The following NELL1 variants were observed in gnomAD, a reference collection of about 807,000 sequenced individuals.
NELL1 encodes protein kinase C-binding protein NELL1.
A neutral mutation model predicts 107.4 loss-of-function variants in NELL1; 76 were observed. The observed-to-expected ratio is 0.71, with a 90% CI of 0.59 to 0.86. The LOEUF (loss-of-function observed/expected upper bound fraction) is 0.86. Ranked by LOEUF, NELL1 falls within the 40% of genes least tolerant of loss-of-function variation. The probability of loss-of-function intolerance (pLI) is 0.00; values close to 1 mark genes in which losing one functional copy is unlikely to be tolerated. For missense variants in NELL1, 1,024 were observed against 1,005.5 expected, an observed-to-expected ratio of 1.02 and a Z score of -0.25; for synonymous variants, 353 against 341.2, an observed-to-expected ratio of 1.03 and a Z score of -0.38.
chr11:21,116,944 C>T (rs972034334), intron 13 of NELL1, among the ~76,000 whole-genome samples: 1 of 151,860 alleles, frequency 6.6e-6, no homozygotes, highest in East Asian at 1.9e-4. Flanking sequence ...AAATCAAATC[C>T]CTGTTTCTTA....
At chr11:20,694,304 G>A (rs1262140326) in intron 2 of NELL1, among the ~76,000 whole-genome samples, 1 of 151,960 alleles carries the variant, frequency 6.6e-6, no homozygotes, top group Admixed American at 6.6e-5. Context: ...TTTTTCTTGT[G>A]ATTGCTTTTG....
rs149569403 is a variant in NELL1 at position 20,700,308 on chromosome 11, G to A, written c.184+22248G>A. On this transcript the variant is annotated intron_variant, in intron 2 of 19. Transcript: ENST00000357134. ...AGCCTGGCCAATATAGTGAAACCCC[G>A]TCTCTACTAAAAATACAAAAATTAG... 8.6e-3 allele frequency among the ~76,000 whole-genome samples: 1,309 copies of A among 151,888 alleles called. 17 individuals carry two copies. The highest frequency in any genetic ancestry group is 0.03 in the African/African-American group (1,243 of 41,428).
intron 14 of NELL1, among the ~76,000 whole-genome samples, chr11:21,236,983 C>A (rs1858224160): frequency 6.6e-6 from 1 of 152,170 alleles, no homozygotes; most frequent in South Asian, 2.1e-4. Context: ...TCACATCCTT[C>A]AAATCTGTAA....
intron 2 of NELL1, among the ~76,000 whole-genome samples, chr11:20,768,925 C>T (rs1313274837): frequency 2.0e-5 from 3 of 152,064 alleles, no homozygotes; most frequent in African/African-American, 7.2e-5. Flanking sequence ...TCTAGGGTTG[C>T]AGTAATTTGT....
intron 7 of NELL1, among the ~76,000 whole-genome samples, chr11:20,920,593 T>C (rs1385360793): frequency 3.3e-5 from 5 of 152,236 alleles, no homozygotes; most frequent in South Asian, 2.1e-4. Flanking sequence ...GAGGCTTTTA[T>C]TTCATATTGT....
intron 15 of NELL1, among the ~76,000 whole-genome samples, chr11:21,499,599 G>A (rs1159068722): frequency 1.3e-5 from 2 of 152,088 alleles, no homozygotes; most frequent in African/African-American, 4.8e-5. Flanking sequence ...GATACTATGA[G>A]TTGTGGCAAG....
intron 3 of NELL1, among the ~76,000 whole-genome samples, chr11:20,798,879 T>TG (rs1432537704): frequency 1.3e-5 from 2 of 152,344 alleles, no homozygotes; most frequent in Non-Finnish European, 2.9e-5. Context: ...CACTTATCTG[T>TG]GGGCTAGGAA....
chr11:21,025,112 T>G (rs982925091), intron 12 of NELL1, among the ~76,000 whole-genome samples: 6 of 152,128 alleles, frequency 3.9e-5, no homozygotes, highest in African/African-American at 1.4e-4. Context: ...TATCTTTTAT[T>G]GTTGGTTAGG....
intron 3 of NELL1, among the ~76,000 whole-genome samples, chr11:20,799,397 A>G: frequency 6.6e-6 from 1 of 152,238 alleles, no homozygotes. Flanking sequence ...TACTAAGTGC[A>G]GGCTATGTGC....
intron 12 of NELL1, among the ~76,000 whole-genome samples, chr11:21,072,642 G>T (rs1389125980): frequency 6.6e-6 from 1 of 152,116 alleles, no homozygotes; most frequent in Admixed American, 6.6e-5. Flanking sequence ...AGCATATAAA[G>T]CTTGGCAAAG....
chr11:21,568,920 A>AAGAT lies in NELL1; in HGVS notation c.1981-1841_1981-1838dup, dbSNP rs568442184. ...ATACATTCTAAAATAATGATTAAAA[A>AAGAT]AGATAGTATACTAAATACATAAACC... On this transcript the variant is annotated intron_variant, in intron 17 of 19. Coordinates refer to ENST00000357134, the MANE Select transcript of NELL1 (RefSeq NM_006157.5). Among the ~76,000 whole-genome samples, 130 of 151,862 alleles carry AAGAT rather than the reference A, an allele frequency of 8.6e-4. 1 individual carries two copies. The highest frequency in any genetic ancestry group is 2.9e-3 in the African/African-American group (120 of 41,486).
At chr11:20,982,886 G>A (rs1001107661) in intron 12 of NELL1, among the ~76,000 whole-genome samples, 7 of 152,142 alleles carry the variant, frequency 4.6e-5, no homozygotes, top group African/African-American at 1.7e-4. Flanking sequence ...TTAATGATTT[G>A]GGATCTTTGT....
rs796166572 is a variant in NELL1 at position 20,755,895 on chromosome 11, T to G, written c.185-27785T>G. On this transcript the variant is annotated intron_variant, in intron 2 of 19. Transcript: ENST00000357134. Reference sequence around the variant, plus strand: ...TTTTTTTTTTTTTTTTTTTTTTTTTTTTTTTTTTTTTTTATGAGACGGAGT... The same window carrying G: ...TTTTTTTTTTTTTTTTTTTTTTTTTGTTTTTTTTTTTTTATGAGACGGAGT... Among the ~76,000 whole-genome samples the G allele has an allele frequency of 3.3e-3, 423 of 128,298 alleles. 4 individuals carry two copies. The highest frequency in any genetic ancestry group is 0.014 in the African/African-American group (374 of 26,342). 84.2% of individuals were successfully genotyped at this position (128,298 alleles called of 152,430 possible). A position where few individuals can be genotyped will look rare whatever the true frequency, so the allele number is the denominator to read the frequency against.
intron 14 of NELL1, among the ~76,000 whole-genome samples, chr11:21,255,066 G>A (rs1300722037): frequency 2.0e-5 from 3 of 152,096 alleles, no homozygotes; most frequent in Admixed American, 6.6e-5. Flanking sequence ...ACAACAAAGA[G>A]ACTAGGTGTC....
intron 3 of NELL1, among the ~76,000 whole-genome samples, chr11:20,814,953 T>C (rs2134017670): frequency 6.6e-6 from 1 of 152,358 alleles, no homozygotes; most frequent in African/African-American, 2.4e-5. Flanking sequence ...CTCTTTTCTC[T>C]ACAACCTTGC....
intron 14 of NELL1, among the ~76,000 whole-genome samples, chr11:21,233,316 A>T (rs375908433): frequency 6.4e-4 from 98 of 152,360 alleles, no homozygotes; most frequent in African/African-American, 2.3e-3. Context: ...TTTCACAAGT[A>T]AATTTTAAGT....
At chr11:20,784,099 C>A (rs760458159) in intron 3 of NELL1, among the ~76,000 whole-genome samples, 1 of 152,204 alleles carries the variant, frequency 6.6e-6, no homozygotes, top group Non-Finnish European at 1.5e-5. Context: ...CATATTTAGT[C>A]ATCAAGCAAG....
chr11:20,975,753 A>ACATATTATATATG lies in NELL1; in HGVS notation c.1300+15194_1300+15206dup, dbSNP rs1491205779. On this transcript the variant is annotated intron_variant, in intron 12 of 19. Coordinates refer to ENST00000357134, the MANE Select transcript of NELL1 (RefSeq NM_006157.5). ...ATATAATGTATGTATTATATAATAT[A>ACATATTATATATG]CATATTATATATGTATTATATGATA... Among the ~76,000 whole-genome samples, 3 of 126,760 alleles carry ACATATTATATATG rather than the reference A, an allele frequency of 2.4e-5. 1 individual carries two copies. The highest frequency in any genetic ancestry group is 9.6e-5 in the African/African-American group (3 of 31,352). The allele number at this position is 126,760 out of a possible 152,430, so 83.2% of individuals were successfully genotyped here. A position where few individuals can be genotyped will look rare whatever the true frequency, so the allele number is the denominator to read the frequency against.
Position 20,919,342 on chromosome 11 carries a change from T to C in NELL1, c.759+8T>C. 6.6e-7 allele frequency: 1 copy of C among 1,523,866 alleles called. No individual in the cohort carries two copies. Among genetic ancestry groups the C allele is most frequent in the Non-Finnish European group, 9.1e-7 (1 of 1,103,002 alleles). 94.4% of individuals were successfully genotyped at this position (1,523,866 alleles called of 1,614,324 possible). A position where few individuals can be genotyped will look rare whatever the true frequency, so the allele number is the denominator to read the frequency against. ...GCCAAGATGACTGCAAAAGTAGGTA[T>C]CTAAATTTCATTTGTGATGTTTCAT... On this transcript the variant is annotated splice_region_variant and intron_variant, in intron 7 of 19. Transcript: ENST00000357134.
Sources: allele counts gnomAD v4.1 joint callset (sites outside exome capture counted in the v4.1 genomes callset), GRCh38; gene constraint gnomAD v4.1.1; transcripts MANE v1.5; gene names NCBI Gene and HGNC (gene_info 2026-07-23, HGNC 2026-07-21).